The following FAM241A variants were observed in gnomAD, a reference collection of about 807,000 sequenced individuals.
The protein encoded by FAM241A is uncharacterized protein FAM241A.
A neutral mutation model predicts 12.2 loss-of-function variants in FAM241A; 7 were observed. The observed-to-expected ratio is 0.58, with a 90% CI of 0.33 to 1.08. FAM241A has a LOEUF of 1.08. Ranked by LOEUF, FAM241A falls within the 50% of genes least tolerant of loss-of-function variation. The pLI, the probability that FAM241A is intolerant of heterozygous loss-of-function variation, is 0.04. For missense variants in FAM241A, 161 were observed against 169.7 expected (o/e 0.95, Z 0.29); for synonymous variants, 74 against 68.2 (o/e 1.08, Z -0.42).
chr4:112,182,440 CTTGCAATATAT>C (rs1723958443), intron 1 of FAM241A, among the ~76,000 whole-genome samples: 1 of 151,958 alleles, frequency 6.6e-6, no homozygotes, highest in Non-Finnish European at 1.5e-5. Flanking sequence ...AATTTACCCA[CTTGCAATATAT>C]TTGTAATAAG....
chr4:112,186,639 T>A, intron 1 of FAM241A, 54 bp from the exon 2 acceptor site: 1 of 1,532,124 alleles, frequency 6.5e-7, no homozygotes. Context: ...CTTAAAGACG[T>A]TTACATATTT....
chr4:112,184,386 A>G (rs1723999932), intron 1 of FAM241A, among the ~76,000 whole-genome samples: 9 of 152,174 alleles, frequency 5.9e-5, no homozygotes, highest in Admixed American at 5.9e-4. Context: ...AAGATTAGCC[A>G]GGCATGGTGG....
chr4:112,170,474 C>T (rs979144839), intron 1 of FAM241A, among the ~76,000 whole-genome samples: 4 of 152,170 alleles, frequency 2.6e-5, no homozygotes, highest in Admixed American at 6.5e-5. Context: ...TGTGGTCTCT[C>T]TTTCTCTCAA....
intron 1 of FAM241A, among the ~76,000 whole-genome samples, chr4:112,184,794 G>A (rs901258348): frequency 1.3e-5 from 2 of 151,928 alleles, no homozygotes; most frequent in Non-Finnish European, 2.9e-5. Flanking sequence ...TAAACTCTAT[G>A]TGTACAATAG....
chr4:112,174,878 C>T (rs146392167), intron 1 of FAM241A, among the ~76,000 whole-genome samples: 109 of 152,338 alleles, frequency 7.2e-4, no homozygotes, highest in African/African-American at 2.5e-3. Context: ...ACTATTCTGA[C>T]CCCTTACTCC....
Position 112,187,142 on chromosome 4 carries a change from T to G in FAM241A, c.*204T>G. 1 of 570,578 alleles carries G rather than the reference T, an allele frequency of 1.8e-6. No homozygotes were observed. The highest frequency in any genetic ancestry group is 3.0e-6 in the Non-Finnish European group (1 of 329,300). The allele number at this position is 570,578 out of a possible 1,614,324, so 35.3% of individuals were successfully genotyped here. A position where few individuals can be genotyped will look rare whatever the true frequency, so the allele number is the denominator to read the frequency against. On this transcript the variant is annotated 3_prime_UTR_variant, in exon 2 of 2. Transcript: ENST00000309733. ...TTGAATATATATTTTGAATATACAT[T>G]AGCTTATTCAAAACTCTTGTTTCAC...
At chr4:112,158,536 A>G (rs1265073459) in intron 1 of FAM241A, among the ~76,000 whole-genome samples, 1 of 152,098 alleles carries the variant, frequency 6.6e-6, no homozygotes, top group Non-Finnish European at 1.5e-5. Flanking sequence ...TTCATTTCTC[A>G]TTAATCTTGT....
chr4:112,157,980 T>TC (rs1723387517), intron 1 of FAM241A, among the ~76,000 whole-genome samples: 1 of 152,120 alleles, frequency 6.6e-6, no homozygotes, highest in African/African-American at 2.4e-5. Flanking sequence ...GTGATTTTTT[T>TC]CCATAGGGAA....
intron 1 of FAM241A, among the ~76,000 whole-genome samples, chr4:112,153,124 CTA>C (rs1327892296): frequency 6.6e-6 from 1 of 152,102 alleles, no homozygotes; most frequent in African/African-American, 2.4e-5. Context: ...AACAATGTAT[CTA>C]ATGTTTAGAA....
At chr4:112,158,002 G>T (rs1187045421) in intron 1 of FAM241A, among the ~76,000 whole-genome samples, 1 of 152,008 alleles carries the variant, frequency 6.6e-6, no homozygotes, top group East Asian at 1.9e-4. Flanking sequence ...TAACTAATTA[G>T]CATGCCTATC....
chr4:112,153,387 T>C (rs919649571), intron 1 of FAM241A, among the ~76,000 whole-genome samples: 1 of 152,236 alleles, frequency 6.6e-6, no homozygotes, highest in Admixed American at 6.5e-5. Context: ...TCTGTGTCTC[T>C]ATTCATGTGT....
intron 1 of FAM241A, among the ~76,000 whole-genome samples, chr4:112,161,707 C>T (rs1030336615): frequency 6.6e-6 from 1 of 152,152 alleles, no homozygotes; most frequent in Non-Finnish European, 1.5e-5. Context: ...CAGACGGATT[C>T]ACAGCTGAAT....
At chr4:112,181,922 G>A (rs771294087) in intron 1 of FAM241A, among the ~76,000 whole-genome samples, 1 of 152,174 alleles carries the variant, frequency 6.6e-6, no homozygotes, top group Non-Finnish European at 1.5e-5. Context: ...AAGAACCACT[G>A]TGGCTACATT....
At chr4:112,172,793 G>A (rs534844421) in intron 1 of FAM241A, among the ~76,000 whole-genome samples, 68 of 152,288 alleles carry the variant, frequency 4.5e-4, no homozygotes, top group Admixed American at 9.8e-4. Flanking sequence ...AATTATAAAT[G>A]TTATGCTGAA....
rs908145921 is a variant in FAM241A at position 112,187,677 on chromosome 4, A to G, written c.*739A>G. ...ACTTTTTGTGAGTTTTTAAAGTCTC[A>G]TAGCCTAGTTGACTGCACCCTATGG... On this transcript the variant is annotated 3_prime_UTR_variant, in exon 2 of 2. Transcript: ENST00000309733. 6 of 152,556 alleles carry G rather than the reference A, an allele frequency of 3.9e-5. No individual in the cohort carries two copies. Among genetic ancestry groups the G allele is most frequent in the African/African-American group, 1.4e-4 (6 of 41,430 alleles). 9.5% of individuals were successfully genotyped at this position (152,556 alleles called of 1,614,324 possible). A position where few individuals can be genotyped will look rare whatever the true frequency, so the allele number is the denominator to read the frequency against.
chr4:112,152,452 CAATA>C (rs1723262988), intron 1 of FAM241A, among the ~76,000 whole-genome samples: 1 of 152,064 alleles, frequency 6.6e-6, no homozygotes, highest in Non-Finnish European at 1.5e-5. Flanking sequence ...ATAGATATTC[CAATA>C]GATAGGTTAA....
chr4:112,171,336 T>TA, intron 1 of FAM241A: 1 of 754,006 alleles, frequency 1.3e-6, no homozygotes, highest in Non-Finnish European at 2.4e-6. Context: ...AAAGCGGTGT[T>TA]ACGACAAGAA....
intron 1 of FAM241A, among the ~76,000 whole-genome samples, chr4:112,185,671 C>T (rs376485087): frequency 6.6e-6 from 1 of 152,226 alleles, no homozygotes; most frequent in East Asian, 1.9e-4. Flanking sequence ...TCTCTGAGTT[C>T]AGAGGAGGGA....
chr4:112,154,129 G>C (rs1723303574), intron 1 of FAM241A, among the ~76,000 whole-genome samples: 1 of 152,140 alleles, frequency 6.6e-6, no homozygotes, highest in African/African-American at 2.4e-5. Flanking sequence ...TATTCCATGA[G>C]TTTTAGAGGT....
Sources: allele counts gnomAD v4.1 joint callset (sites outside exome capture counted in the v4.1 genomes callset), GRCh38; gene constraint gnomAD v4.1.1; transcripts MANE v1.5; gene names NCBI Gene and HGNC (gene_info 2026-07-23, HGNC 2026-07-21).